Variants in SUGCT observed in about 807,000 individuals in gnomAD.
The protein encoded by SUGCT is succinyl-CoA:glutarate CoA-transferase.
Under a neutral mutation model 55.0 loss-of-function variants are expected in SUGCT, and 41 were observed. The observed-to-expected ratio is 0.74, with a 90% confidence interval of 0.58 to 0.97. The LOEUF is 0.97. Ranked by LOEUF, SUGCT falls within the 50% of genes least tolerant of loss-of-function variation. The probability of loss-of-function intolerance (pLI) is 0.00; values close to 1 mark genes in which losing one functional copy is unlikely to be tolerated. For missense variants in SUGCT, 568 were observed against 547.8 expected, an observed-to-expected ratio of 1.04 and a Z score of -0.37; for synonymous variants, 187 against 200.4, an observed-to-expected ratio of 0.93 and a Z score of 0.56.
intron 12 of SUGCT, among the ~76,000 whole-genome samples, chr7:40,553,207 T>A (rs1274266388): frequency 6.6e-6 from 1 of 152,164 alleles, no homozygotes; most frequent in Non-Finnish European, 1.5e-5. Flanking sequence ...CTCTTCAAAA[T>A]GAAAACTGAT....
chr7:40,801,351 G>T (rs538606381), intron 13 of SUGCT, among the ~76,000 whole-genome samples: 3 of 152,304 alleles, frequency 2.0e-5, no homozygotes, highest in Admixed American at 6.5e-5. Context: ...CATCTTGTGG[G>T]GGGGAGGTCT....
chr7:40,430,161 C>A (rs1358705410), intron 9 of SUGCT, among the ~76,000 whole-genome samples: 1 of 152,138 alleles, frequency 6.6e-6, no homozygotes, highest in Non-Finnish European at 1.5e-5. Flanking sequence ...ATGGTGATTT[C>A]ATTTCCTTTG....
chr7:40,786,800 A>G (rs1790038247), intron 13 of SUGCT, among the ~76,000 whole-genome samples: 1 of 152,206 alleles, frequency 6.6e-6, no homozygotes, highest in Non-Finnish European at 1.5e-5. Context: ...ATTGGATGTT[A>G]GCCTTAATGT....
the SUGCT span, among the ~76,000 whole-genome samples, chr7:40,923,362 G>A: frequency 6.6e-6 from 1 of 152,108 alleles, no homozygotes; most frequent in Non-Finnish European, 1.5e-5. Flanking sequence ...AAAAACAAGG[G>A]CATTTAGCAG....
chr7:40,989,802 CT>C, the SUGCT span, among the ~76,000 whole-genome samples: 1 of 151,952 alleles, frequency 6.6e-6, no homozygotes, highest in African/African-American at 2.4e-5. Flanking sequence ...AAAGAAGCAA[CT>C]CCTCATTCGC....
chr7:40,700,727 G>C (rs1352061243), intron 12 of SUGCT, among the ~76,000 whole-genome samples: 2 of 152,174 alleles, frequency 1.3e-5, no homozygotes, highest in Non-Finnish European at 2.9e-5. Flanking sequence ...GAGTTCAGGT[G>C]GCAAGGGATA....
chr7:40,608,935 A>G (rs771763200), intron 12 of SUGCT, among the ~76,000 whole-genome samples: 1 of 152,190 alleles, frequency 6.6e-6, no homozygotes, highest in Non-Finnish European at 1.5e-5. Context: ...TTCTGTCTCT[A>G]GCATACACTA....
rs556043640 is a variant in SUGCT at position 40,832,131 on chromosome 7, C to T, written c.1154-28185C>T. On this transcript the variant is annotated intron_variant, in intron 13 of 13. Transcript: ENST00000335693. ...GCAAATGTGTGGCTGTCCCTGTGTG[C>T]GTCCGGGTATCTCTGGAGAGCACTC... 2.3e-4 allele frequency among the ~76,000 whole-genome samples: 35 copies of T among 152,232 alleles called. No homozygotes were observed. The South Asian group carries it at 6.6e-3, about 29-fold the overall frequency.
the SUGCT span, among the ~76,000 whole-genome samples, chr7:40,911,804 A>G: frequency 5.3e-5 from 8 of 152,116 alleles, no homozygotes; most frequent in African/African-American, 1.9e-4. Flanking sequence ...CATGAAAAGC[A>G]GTTTTCTTGG....
chr7:40,642,462 C>T (rs1466615865), intron 12 of SUGCT, among the ~76,000 whole-genome samples: 2 of 152,078 alleles, frequency 1.3e-5, no homozygotes, highest in Non-Finnish European at 2.9e-5. Flanking sequence ...AGGGAATGGA[C>T]AAGAACCAGT....
At chr7:40,347,889 T>C (rs1464199139) in intron 9 of SUGCT, among the ~76,000 whole-genome samples, 3 of 152,260 alleles carry the variant, frequency 2.0e-5, no homozygotes, top group Non-Finnish European at 4.4e-5. Context: ...ATTCCATAAA[T>C]TAGTATGTAA....
chr7:40,297,225 T>C (rs1225127154), intron 8 of SUGCT, among the ~76,000 whole-genome samples: 2 of 152,128 alleles, frequency 1.3e-5, no homozygotes, highest in East Asian at 1.9e-4. Flanking sequence ...TAGGAGCCCA[T>C]TGGTTGCAGC....
intron 12 of SUGCT, among the ~76,000 whole-genome samples, chr7:40,501,793 A>G (rs1792295320): frequency 6.6e-6 from 1 of 152,140 alleles, no homozygotes; most frequent in Admixed American, 6.5e-5. Flanking sequence ...TAAGGTAGAA[A>G]GTGTTCAGTG....
At chr7:40,403,324 A>G (rs1398257370) in intron 9 of SUGCT, among the ~76,000 whole-genome samples, 1 of 152,180 alleles carries the variant, frequency 6.6e-6, no homozygotes, top group Non-Finnish European at 1.5e-5. Context: ...ATTCACAGAT[A>G]CATAACATAA....
At chr7:40,692,238 G>T (rs1784732146) in intron 12 of SUGCT, among the ~76,000 whole-genome samples, 1 of 152,192 alleles carries the variant, frequency 6.6e-6, no homozygotes, top group Non-Finnish European at 1.5e-5. Flanking sequence ...ACTGAGTGGT[G>T]CAGACAAGGT....
intron 8 of SUGCT, among the ~76,000 whole-genome samples, chr7:40,284,164 A>AGAT (rs1242781699): frequency 1.3e-5 from 2 of 152,090 alleles, no homozygotes; most frequent in African/African-American, 4.8e-5. Context: ...GGGCAGGGGA[A>AGAT]GATGATGGTC....
At chr7:40,922,882 T>C in the SUGCT span, among the ~76,000 whole-genome samples, 1 of 152,344 alleles carries the variant, frequency 6.6e-6, no homozygotes, top group East Asian at 1.9e-4. Context: ...CCTTTGGCTG[T>C]TTTACACAGG....
At chr7:40,621,006 C>G (rs1280586788) in intron 12 of SUGCT, among the ~76,000 whole-genome samples, 1 of 152,098 alleles carries the variant, frequency 6.6e-6, no homozygotes, top group Non-Finnish European at 1.5e-5. Context: ...GGATGTTTTG[C>G]ATTTTGTTGC....
At chr7:41,003,154 C>T in the SUGCT span, among the ~76,000 whole-genome samples, 1 of 152,128 alleles carries the variant, frequency 6.6e-6, no homozygotes, top group African/African-American at 2.4e-5. Context: ...GTACTTCTCC[C>T]ACCAACCTAC....
Sources: gnomAD v4.1 joint callset for allele counts (sites outside exome capture counted in the v4.1 genomes callset) on GRCh38, gnomAD v4.1.1 for gene constraint, MANE v1.5 for transcripts, NCBI Gene and HGNC (gene_info 2026-07-23, HGNC 2026-07-21) for gene names.